GCLM: variants seen among roughly 807,000 people sequenced by gnomAD.
GCLM encodes glutamate-cysteine ligase modifier subunit.
GCLM carries 15 observed loss-of-function variants against 36.0 expected under a neutral mutation model. The observed-to-expected ratio is 0.42, with a 90% confidence interval of 0.28 to 0.64. The LOEUF (loss-of-function observed/expected upper bound fraction) is 0.64, where lower values mean the gene tolerates loss of function less well. Among genes scored for constraint, GCLM ranks in the 30% least tolerant of loss-of-function variants. The pLI, the probability that GCLM is intolerant of heterozygous loss-of-function variation, is 0.25. For missense variants in GCLM, 242 were observed against 325.5 expected (o/e 0.74, Z 1.97); for synonymous variants, 129 against 122.8 (o/e 1.05, Z -0.34).
chr1:93,896,185 ACTC>A (rs1295286864), intron 5 of GCLM, among the ~76,000 whole-genome samples: 3 of 151,580 alleles, frequency 2.0e-5, no homozygotes, highest in African/African-American at 7.3e-5. Context: ...CTGGTCTCGA[ACTC>A]CTGACCTCAT....
At chr1:93,904,648 TACAATAA>T in intron 1 of GCLM, 60 bp from the exon 2 acceptor site, 1 of 1,015,890 alleles carries the variant, frequency 9.8e-7, no homozygotes, top group East Asian at 2.4e-5. Context: ...TCTGTACTTC[TACAATAA>T]GAATATATTA....
intron 5 of GCLM, 78 bp from the exon 6 acceptor site, chr1:93,894,806 ATAACT>A (rs1351926839): frequency 2.7e-5 from 19 of 711,888 alleles, no homozygotes; most frequent in East Asian, 2.4e-4. Context: ...AAGCAATAAA[ATAACT>A]TAATTTTAGA....
chr1:93,900,901 G>A (rs1458350283), intron 3 of GCLM, among the ~76,000 whole-genome samples: 1 of 152,122 alleles, frequency 6.6e-6, no homozygotes, highest in East Asian at 1.9e-4. Context: ...CGGAGAAACA[G>A]GTACATCCCC....
chr1:93,886,730 A>G lies in GCLM; in HGVS notation c.*2260T>C, dbSNP rs753796115. 3.3e-5 allele frequency: 5 copies of G among 152,064 alleles called. No individual in the cohort carries two copies. In the East Asian group the frequency reaches 5.8e-4, roughly 18 times the overall value. 9.4% of individuals were successfully genotyped at this position (152,064 alleles called of 1,614,324 possible). A position where few individuals can be genotyped will look rare whatever the true frequency, so the allele number is the denominator to read the frequency against. On this transcript the variant is annotated 3_prime_UTR_variant, in exon 7 of 7. Coordinates refer to ENST00000370238, the MANE Select transcript of GCLM (RefSeq NM_002061.4). ...ATAACCCTTCAAACAACCCATTTTT[A>G]TAAGTCCAGGGTTATAAAAACAATA...
chr1:93,900,397 A>C (rs953929775), intron 3 of GCLM, among the ~76,000 whole-genome samples: 1 of 152,204 alleles, frequency 6.6e-6, no homozygotes, highest in African/African-American at 2.4e-5. Flanking sequence ...GATGGAACTA[A>C]ATCATGAATT....
chr1:93,891,828 T>C (rs1656548092), intron 6 of GCLM, among the ~76,000 whole-genome samples: 1 of 152,218 alleles, frequency 6.6e-6, no homozygotes, highest in African/African-American at 2.4e-5. Flanking sequence ...GCTCAATCAA[T>C]GTTAGCTATT....
At chr1:93,907,933 T>G (rs1657204475) in intron 1 of GCLM, among the ~76,000 whole-genome samples, 1 of 152,200 alleles carries the variant, frequency 6.6e-6, no homozygotes. Context: ...CAGAAACCAC[T>G]TAGGAACACA....
intron 1 of GCLM, among the ~76,000 whole-genome samples, chr1:93,906,443 A>T (rs1384403823): frequency 6.6e-6 from 1 of 152,126 alleles, no homozygotes; most frequent in East Asian, 1.9e-4. Context: ...TTCCCTCTGG[A>T]AGGATGGCTC....
At chr1:93,894,810 C>T in intron 5 of GCLM, 82 bp from the exon 6 acceptor site, 1 of 694,506 alleles carries the variant, frequency 1.4e-6, no homozygotes, top group Non-Finnish European at 2.6e-6. Context: ...AATAAAATAA[C>T]TTAATTTTAG....
chr1:93,894,586 ATCTC>A, intron 6 of GCLM, 24 bp downstream of exon 6: 7 of 1,126,924 alleles, frequency 6.2e-6, no homozygotes, highest in Non-Finnish European at 9.5e-6. Context: ...CTTATGATCA[ATCTC>A]TATAATGAAA....
At chr1:93,905,173 C>CA (rs921621833) in intron 1 of GCLM, among the ~76,000 whole-genome samples, 3,742 of 67,284 alleles carry the variant, frequency 0.056, 93 homozygotes, top group East Asian at 0.13. Context: ...ACTCTATTTC[C>CA]AAAAAAAAAA....
intron 6 of GCLM, among the ~76,000 whole-genome samples, chr1:93,890,156 C>T (rs2100904988): frequency 6.6e-6 from 1 of 152,096 alleles, no homozygotes; most frequent in East Asian, 1.9e-4. Context: ...GTGATCCACC[C>T]ACCTTGGCCT....
intron 4 of GCLM, among the ~76,000 whole-genome samples, chr1:93,897,277 T>G (rs761382128): frequency 6.6e-6 from 1 of 152,202 alleles, no homozygotes; most frequent in Non-Finnish European, 1.5e-5. Flanking sequence ...CTTGAGACAC[T>G]GAAAAACTGA....
At chr1:93,902,908 G>GT (rs745481279) in intron 2 of GCLM, among the ~76,000 whole-genome samples, 39 of 152,104 alleles carry the variant, frequency 2.6e-4, no homozygotes, top group Non-Finnish European at 4.3e-4. Context: ...ACATAGTTTT[G>GT]TTTTTTCCAG....
intron 2 of GCLM, among the ~76,000 whole-genome samples, chr1:93,902,587 T>A (rs1656999429): frequency 6.6e-6 from 1 of 151,838 alleles, no homozygotes; most frequent in African/African-American, 2.4e-5. Context: ...TACACTCACA[T>A]CCACACAGCC....
rs1205239038 is a variant in GCLM, at chr1:93,909,057, G to A, written c.107C>T (p.Pro36Leu). Residue 36 changes from proline to leucine, a missense_variant, in exon 1 of 7, where the codon CCG (proline) becomes CTG (leucine). Transcript: ENST00000370238. ...LNWGRLRKKCPSTHSEELHDC... is the reference protein window; with the variant it reads ...LNWGRLRKKCLSTHSEELHDC... Reference sequence around the variant, plus strand: ...GCTCACCTCCTCGCTGTGCGTGGACGGGCACTTCTTCCGCAGGCGGCCCCA... The same window carrying A: ...GCTCACCTCCTCGCTGTGCGTGGACAGGCACTTCTTCCGCAGGCGGCCCCA... The A allele has an allele frequency of 5.4e-6, 8 of 1,473,832 alleles. No individual in the cohort carries two copies. The highest frequency in any genetic ancestry group is 2.4e-5 in the Admixed American group (1 of 42,206). The allele number at this position is 1,473,832 out of a possible 1,614,324, so 91.3% of individuals were successfully genotyped here.
intron 6 of GCLM, among the ~76,000 whole-genome samples, chr1:93,892,100 T>C (rs1656556360): frequency 6.6e-6 from 1 of 152,054 alleles, no homozygotes; most frequent in Non-Finnish European, 1.5e-5. Flanking sequence ...AGAGACATAA[T>C]ACAGATTGGA....
At chr1:93,907,163 A>G (rs1013521505) in intron 1 of GCLM, among the ~76,000 whole-genome samples, 1 of 152,188 alleles carries the variant, frequency 6.6e-6, no homozygotes, top group African/African-American at 2.4e-5. Flanking sequence ...GTTCTTTTAC[A>G]TAGAAACAAA....
intron 5 of GCLM, among the ~76,000 whole-genome samples, chr1:93,895,996 T>G (rs1185208422): frequency 2.0e-5 from 3 of 147,620 alleles, no homozygotes; most frequent in Non-Finnish European, 4.5e-5. Context: ...AGAGTCTTGC[T>G]CTGTCACCCA....
Sources: allele counts gnomAD v4.1 joint callset (sites outside exome capture counted in the v4.1 genomes callset), GRCh38; gene constraint gnomAD v4.1.1; transcripts MANE v1.5; gene names NCBI Gene and HGNC (gene_info 2026-07-23, HGNC 2026-07-21).